The following ZKSCAN1 variants were observed in gnomAD, a reference collection of about 807,000 sequenced individuals.
The protein encoded by ZKSCAN1 is zinc finger protein with KRAB and SCAN domains 1.
A neutral mutation model predicts 51.6 loss-of-function variants in ZKSCAN1; 14 were observed. The ratio of observed to expected loss-of-function variants is 0.27; its 90% confidence interval spans 0.18 to 0.42. ZKSCAN1 has a LOEUF of 0.42. ZKSCAN1 is among the 10% of genes least tolerant of loss of function. The pLI is 1.00. For missense variants in ZKSCAN1, 531 were observed against 710.0 expected, an observed-to-expected ratio of 0.75 and a Z score of 2.86; for synonymous variants, 263 against 261.5, an observed-to-expected ratio of 1.01 and a Z score of -0.06.
At position 100,034,167 on chromosome 7, in the gene ZKSCAN1, A is replaced by G. The variant is rs528755317; in HGVS notation, c.1662A>G (p.Ala554=). The G allele has an allele frequency of 6.6e-7, 1 of 1,518,908 alleles. No homozygotes were observed. The allele number at this position is 1,518,908 out of a possible 1,614,324, so 94.1% of individuals were successfully genotyped here. ...AGTACAGCCCAGCCTCCCTTGATGCATTTGGCGCGTTCCTGAAAAGTTGTG... is the reference window on the plus strand; with the variant it reads ...AGTACAGCCCAGCCTCCCTTGATGCGTTTGGCGCGTTCCTGAAAAGTTGTG... ...ASEYSPASLD[A]FGAFLKSCV is the part of the protein sequence containing the mutation. Residue 554 remains alanine (A), a synonymous_variant, in exon 6 of 6, where the codon GCA becomes GCG. Transcript: ENST00000324306.
intron 4 of ZKSCAN1, 133 bp from the exon 5 acceptor site, chr7:100,030,116 C>T (rs1346287540): frequency 2.1e-6 from 3 of 1,456,092 alleles, no homozygotes; most frequent in Non-Finnish European, 2.8e-6. Flanking sequence ...CCCTCCACCC[C>T]CAGGTTCTGG....
Position 100,040,371 on chromosome 7 carries a change from G to A in ZKSCAN1, c.*6174G>A, listed in dbSNP as rs551066509. 30 of 985,384 alleles carry A rather than the reference G, an allele frequency of 3.0e-5. No individual in the cohort carries two copies. The African/African-American group carries it at 4.2e-4, about 14-fold the overall frequency. 61.0% of individuals were successfully genotyped at this position (985,384 alleles called of 1,614,324 possible). A position where few individuals can be genotyped will look rare whatever the true frequency, so the allele number is the denominator to read the frequency against. On this transcript the variant is annotated 3_prime_UTR_variant, in exon 6 of 6. Coordinates refer to ENST00000324306, the MANE Select transcript of ZKSCAN1 (RefSeq NM_003439.4). Reference sequence around the variant, plus strand: ...TCTCACCTCCATTTACTAAAGAATCGTGACTTAATTCAAATTGCACAGTAA... The same window carrying A: ...TCTCACCTCCATTTACTAAAGAATCATGACTTAATTCAAATTGCACAGTAA...
chr7:100,040,567 G>A lies in ZKSCAN1; in HGVS notation c.*6370G>A. ...CAGGTTTGGGTTTTAAGTTCCTTTG[G>A]TCCAGGGAAGGGTCCAAGCAGCCAC... On this transcript the variant is annotated 3_prime_UTR_variant, in exon 6 of 6. Transcript: ENST00000324306. The A allele has an allele frequency of 3.0e-6, 3 of 985,374 alleles. No homozygotes were observed. The highest frequency in any genetic ancestry group is 3.6e-6 in the Non-Finnish European group (3 of 829,932). The allele number at this position is 985,374 out of a possible 1,614,324, so 61.0% of individuals were successfully genotyped here. A position where few individuals can be genotyped will look rare whatever the true frequency, so the allele number is the denominator to read the frequency against.
intron 1 of ZKSCAN1, among the ~76,000 whole-genome samples, chr7:100,020,398 C>G (rs56673567): frequency 6.6e-6 from 1 of 152,036 alleles, no homozygotes; most frequent in Non-Finnish European, 1.5e-5. Context: ...AAAGTATTAA[C>G]TGCAAGGCTG....
downstream of ZKSCAN1, among the ~76,000 whole-genome samples, chr7:100,042,698 A>G (rs1791629360): frequency 6.7e-6 from 1 of 149,708 alleles, no homozygotes; most frequent in Non-Finnish European, 1.5e-5. Context: ...TATTTTTATT[A>G]TATATACACA....
Position 100,041,492 on chromosome 7 carries a change from A to G in ZKSCAN1, c.*7295A>G, listed in dbSNP as rs1018289227. The stretch of plus-strand genomic sequence containing the variant: ...TCGAATGAGGGCTAAAGTTTTAATC[A>G]TAAGAGAAAAGGCAGCATAATGAAA... On this transcript the variant is annotated 3_prime_UTR_variant, in exon 6 of 6. Coordinates refer to ENST00000324306, the MANE Select transcript of ZKSCAN1 (RefSeq NM_003439.4). The G allele has an allele frequency of 1.2e-5, 12 of 985,336 alleles. No homozygotes were observed. Among genetic ancestry groups the G allele is most frequent in the Non-Finnish European group, 1.4e-5 (12 of 829,946 alleles). 61.0% of individuals were successfully genotyped at this position (985,336 alleles called of 1,614,324 possible).
At chr7:100,023,334 C>T (rs562584102) in intron 1 of ZKSCAN1, 85 bp from the exon 2 acceptor site, 17 of 703,310 alleles carry the variant, frequency 2.4e-5, no homozygotes, top group Non-Finnish European at 3.6e-5. Context: ...GATAGTGCCT[C>T]GATGTGCTGC....
chr7:100,016,519 G>A (rs888583031), intron 1 of ZKSCAN1, among the ~76,000 whole-genome samples: 1 of 152,126 alleles, frequency 6.6e-6, no homozygotes, highest in Non-Finnish European at 1.5e-5. Context: ...TGGATAAGAC[G>A]AGACACTCAC....
intron 5 of ZKSCAN1, among the ~76,000 whole-genome samples, chr7:100,031,035 C>T (rs896417524): frequency 6.6e-6 from 1 of 152,154 alleles, no homozygotes; most frequent in African/African-American, 2.4e-5. Flanking sequence ...ACACTGTTGG[C>T]AGACATTTCC....
At chr7:100,024,498 G>A in intron 3 of ZKSCAN1, 191 bp downstream of exon 3, 1 of 701,112 alleles carries the variant, frequency 1.4e-6, no homozygotes, top group Admixed American at 3.1e-5. Flanking sequence ...GGAGGCTGAG[G>A]TGGGAGGATT....
At chr7:100,042,529 G>A (rs1791625280), downstream of ZKSCAN1, among the ~76,000 whole-genome samples, 1 of 152,002 alleles carries the variant, frequency 6.6e-6, no homozygotes, top group South Asian at 2.1e-4. Flanking sequence ...TCCACAGGTT[G>A]TGGGCTCAGT....
In ZKSCAN1 at chr7:100,030,388, C is replaced by T; in HGVS notation, c.799+13C>T. ...GCATTTCCCCAGGGTAAGACGGATGCAGGCTTACTGTCTGATAAGATGGTT... is the reference window on the plus strand; with the variant it reads ...GCATTTCCCCAGGGTAAGACGGATGTAGGCTTACTGTCTGATAAGATGGTT... On this transcript the variant is annotated intron_variant, in intron 5 of 5. Transcript: ENST00000324306. The T allele has an allele frequency of 6.2e-7, 1 of 1,610,572 alleles. No individual in the cohort carries two copies. Among genetic ancestry groups the T allele is most frequent in the South Asian group, 1.1e-5 (1 of 90,498 alleles).
In ZKSCAN1 at chr7:100,038,091, G is replaced by A. The variant is rs1470847241; in HGVS notation, c.*3894G>A. On this transcript the variant is annotated 3_prime_UTR_variant, in exon 6 of 6. Coordinates refer to ENST00000324306, the MANE Select transcript of ZKSCAN1 (RefSeq NM_003439.4). ...ATCTACAGATGAAAAAAAATGTGGG[G>A]AAATGCTTTAAAAAAATAGCAAAAT... 2.0e-6 allele frequency: 2 copies of A among 985,112 alleles called. No individual in the cohort carries two copies. Among genetic ancestry groups the A allele is most frequent in the African/African-American group, 1.7e-5 (1 of 57,160 alleles). The allele number at this position is 985,112 out of a possible 1,614,324, so 61.0% of individuals were successfully genotyped here.
chr7:100,034,648 A>G lies in ZKSCAN1; in HGVS notation c.*451A>G. On this transcript the variant is annotated 3_prime_UTR_variant, in exon 6 of 6. Transcript: ENST00000324306. ...TGCTTATTTCTCAAAAAAGAGGGAC[A>G]GTGAAAACAAAAACGACATTGGGAC... The G allele has an allele frequency of 7.6e-6, 6 of 793,518 alleles. No individual in the cohort carries two copies. Among genetic ancestry groups the G allele is most frequent in the South Asian group, 1.1e-4 (2 of 17,820 alleles). The allele number at this position is 793,518 out of a possible 1,614,324, so 49.2% of individuals were successfully genotyped here.
At chr7:100,032,898 C>T (rs1439686235) in intron 5 of ZKSCAN1, among the ~76,000 whole-genome samples, 1 of 152,090 alleles carries the variant, frequency 6.6e-6, no homozygotes, top group Non-Finnish European at 1.5e-5. Context: ...GTCCCAGCTA[C>T]TCAGGAGGCT....
chr7:100,028,509 ATTG>A (rs1212308944), intron 3 of ZKSCAN1, among the ~76,000 whole-genome samples: 1 of 152,112 alleles, frequency 6.6e-6, no homozygotes, highest in Non-Finnish European at 1.5e-5. Flanking sequence ...AGCCTATCTT[ATTG>A]TTGTATAAAG....
chr7:100,026,642 C>T (rs1337884715), intron 3 of ZKSCAN1, among the ~76,000 whole-genome samples: 4 of 151,762 alleles, frequency 2.6e-5, no homozygotes, highest in Non-Finnish European at 5.9e-5. Flanking sequence ...ACAAGAATTG[C>T]TTGAACCTGT....
In ZKSCAN1 at chr7:100,033,457, A is replaced by G; in HGVS notation, c.952A>G (p.Asn318Asp). 1 of 1,613,992 alleles carries G rather than the reference A, an allele frequency of 6.2e-7. No homozygotes were observed. Among genetic ancestry groups the G allele is most frequent in the East Asian group, 2.2e-5 (1 of 44,862 alleles). Reference protein sequence around the residue: ...EGKTGERQQKNPEEKTRKEKR... With the variant: ...EGKTGERQQKDPEEKTRKEKR... ...CAAAACAGGAGAAAGACAGCAGAAA[A>G]ACCCTGAGGAGAAAACCAGGAAAGA... The change falls in exon 6 of 6, where the codon AAC (asparagine) becomes GAC (aspartate). Residue 318 changes from asparagine to aspartate, a missense_variant. Transcript: ENST00000324306. The surrounding 1 kb of genome is among the most constrained non-coding windows in gnomAD (Gnocchi z 4.1).
intron 5 of ZKSCAN1, among the ~76,000 whole-genome samples, chr7:100,032,236 T>C (rs1256657990): frequency 2.6e-5 from 4 of 152,212 alleles, no homozygotes; most frequent in African/African-American, 7.2e-5. Flanking sequence ...TTATGAATAA[T>C]GTTAGAAATG....
Sources: allele counts gnomAD v4.1 joint callset (sites outside exome capture counted in the v4.1 genomes callset), GRCh38; gene constraint gnomAD v4.1.1; non-coding constraint Gnocchi (gnomAD v3.1); transcripts MANE v1.5; gene names NCBI Gene and HGNC (gene_info 2026-07-23, HGNC 2026-07-21).